Variants in PCDHB1 observed in about 807,000 individuals in gnomAD.
PCDHB1 encodes the protein protocadherin beta-1.
A neutral mutation model predicts 43.5 loss-of-function variants in PCDHB1; 44 were observed. That is an observed-to-expected ratio of 1.01 (90% CI 0.79 to 1.30). The LOEUF is 1.30. PCDHB1 is among the 50% of genes most tolerant of loss of function. PCDHB1 has a pLI of 0.00. For synonymous variants in PCDHB1, 392 were observed against 400.8 expected (o/e 0.98, Z 0.26); for missense variants, 919 against 1,008.9 (o/e 0.91, Z 1.21).
rs782613909 is a variant in PCDHB1 at position 141,051,745 on chromosome 5, G to C, written c.275G>C (p.Arg92Pro). The C allele has an allele frequency of 8.1e-6, 13 of 1,614,094 alleles. No homozygotes were observed. In the Admixed American group the frequency reaches 1.2e-4, roughly 14 times the overall value. The change falls in exon 1 of 1, where the codon CGG (arginine) becomes CCG (proline). Residue 92 changes from arginine (R) to proline (P), a missense_variant. Arg to Pro is a moderately radical substitution (Grantham distance 103, BLOSUM62 -2). Transcript: ENST00000306549. ...TTGTTTGTGAAGGAGAAACTGGATCGGGAGTCACTTTGTGGCAAAGCCGAC... is the reference window on the plus strand; with the variant it reads ...TTGTTTGTGAAGGAGAAACTGGATCCGGAGTCACTTTGTGGCAAAGCCGAC... ...GDLFVKEKLD[R>P]ESLCGKADPC...
Position 141,052,467 on chromosome 5 carries a change from G to A in PCDHB1, c.997G>A (p.Val333Ile), listed in dbSNP as rs1554267255. The A allele has an allele frequency of 1.2e-6, 2 of 1,614,084 alleles. No homozygotes were observed. The highest frequency in any genetic ancestry group is 2.2e-5 in the South Asian group (2 of 91,090). ...TGGAGGCCTCTCTGCCCACAGCAAA[G>A]TCCTGGTAGAAGTGGTGGATGTGAA... The part of the protein sequence containing the change: ...DGGGLSAHSK[V>I]LVEVVDVNDN... Residue 333 changes from valine (V) to isoleucine (I), a missense_variant, in exon 1 of 1, where the codon GTC becomes ATC. By Grantham distance (29) the Val-to-Ile change is conservative. Coordinates refer to ENST00000306549, the MANE Select transcript of PCDHB1 (RefSeq NM_013340.4).
rs782263657 is a variant in PCDHB1, at chr5:141,056,164, T to C, written c.*2237T>C. On this transcript the variant is annotated 3_prime_UTR_variant, in exon 1 of 1. Coordinates refer to ENST00000306549, the MANE Select transcript of PCDHB1 (RefSeq NM_013340.4). ...CTCACTAGAATACATCCTCTTGGTATTTTAAGGGTAGAGCATTATCTTTTA... is the reference window on the plus strand; with the variant it reads ...CTCACTAGAATACATCCTCTTGGTACTTTAAGGGTAGAGCATTATCTTTTA... The C allele has an allele frequency of 6.6e-6, 1 of 152,226 alleles. No individual in the cohort carries two copies. The highest frequency in any genetic ancestry group is 1.5e-5 in the Non-Finnish European group (1 of 68,040). The allele number at this position is 152,226 out of a possible 1,614,324, so 9.4% of individuals were successfully genotyped here.
At position 141,052,524 on chromosome 5, in the gene PCDHB1, G is replaced by A. The variant is rs1554267264; in HGVS notation, c.1054G>A (p.Val352Met). 1 of 1,614,028 alleles carries A rather than the reference G, an allele frequency of 6.2e-7. No homozygotes were observed. Among genetic ancestry groups the A allele is most frequent in the Non-Finnish European group, 8.5e-7 (1 of 1,180,004 alleles). The change falls in exon 1 of 1, where the codon GTG becomes ATG. Residue 352 changes from valine (V) to methionine (M), a missense_variant. Coordinates refer to ENST00000306549, the MANE Select transcript of PCDHB1 (RefSeq NM_013340.4). ...DNPPEVMVSS[V>M]SSPLPEDSPP... is the part of the protein sequence containing the mutation. ...TCCTCCCGAAGTGATGGTCTCCTCT[G>A]TGTCCAGCCCACTCCCTGAAGACTC...
In PCDHB1 at chr5:141,051,677, G is replaced by A. The variant is rs1554267055; in HGVS notation, c.207G>A (p.Glu69=). ...CGCGCGGGGCGCGGCTGGTTTCCGA[G>A]GGCAACAAAATGCATTTCCGGCTCC... ...LAARGARLVS[E]GNKMHFRLHR... Residue 69 remains glutamate (E), a synonymous_variant, in exon 1 of 1, where the codon GAG becomes GAA. Transcript: ENST00000306549. The A allele has an allele frequency of 7.4e-6, 12 of 1,614,248 alleles. No homozygotes were observed. The highest frequency in any genetic ancestry group is 1.0e-5 in the Non-Finnish European group (12 of 1,180,048).
At position 141,055,221 on chromosome 5, in the gene PCDHB1, C is replaced by T. The variant is rs979036063; in HGVS notation, c.*1294C>T. 3.3e-5 allele frequency: 5 copies of T among 152,120 alleles called. No homozygotes were observed. The highest frequency in any genetic ancestry group is 1.2e-4 in the African/African-American group (5 of 41,376). The allele number at this position is 152,120 out of a possible 1,614,324, so 9.4% of individuals were successfully genotyped here. ...GGCAGATCACCTGAGGTCAGGAGTT[C>T]GAGATCACCCTGGCTAACATGGCAA... On this transcript the variant is annotated 3_prime_UTR_variant, in exon 1 of 1. Transcript: ENST00000306549.
rs1384991216 is a variant in PCDHB1 at position 141,053,243 on chromosome 5, G to A, written c.1773G>A (p.Val591=). The change falls in exon 1 of 1, where the codon GTG becomes GTA. Residue 591 remains valine, a synonymous_variant. Coordinates refer to ENST00000306549, the MANE Select transcript of PCDHB1 (RefSeq NM_013340.4). ...CAGGCTACCTAGTGACCAAAGTGGT[G>A]GCTGTGGATGGTGACTCAGGTCAGA... ...AEAGYLVTKV[V]AVDGDSGQNS... 6.8e-6 allele frequency: 11 copies of A among 1,614,100 alleles called. No homozygotes were observed. In the East Asian group the frequency reaches 2.0e-4, roughly 29 times the overall value.
chr5:141,051,760 GC>G lies in PCDHB1; in HGVS notation c.291del (p.Ala99ProfsTer10). 1 of 1,614,250 alleles carries G rather than the reference GC, an allele frequency of 6.2e-7. No individual in the cohort carries two copies. The highest frequency in any genetic ancestry group is 8.5e-7 in the Non-Finnish European group (1 of 1,180,052). The part of the protein sequence containing the change: ...KEKLDRESLC[G>X]KADPCVLHFE... Reference sequence around the variant, plus strand: ...AAACTGGATCGGGAGTCACTTTGTGGCAAAGCCGACCCTTGTGTTCTGCACT... The same window carrying G: ...AAACTGGATCGGGAGTCACTTTGTGGAAAGCCGACCCTTGTGTTCTGCACT... On this transcript the variant is annotated frameshift_variant, in exon 1 of 1. Coordinates refer to ENST00000306549, the MANE Select transcript of PCDHB1 (RefSeq NM_013340.4). LOFTEE classifies it high-confidence loss of function.
In PCDHB1 at chr5:141,052,271, G is replaced by A; in HGVS notation, c.801G>A (p.Val267=). The change falls in exon 1 of 1, where the codon GTG becomes GTA. Residue 267 remains valine (V), a synonymous_variant. Coordinates refer to ENST00000306549, the MANE Select transcript of PCDHB1 (RefSeq NM_013340.4). ...CTTTGGTGGCCACGGTGACTGCCGT[G>A]GACCTAGACGAGGGCACCAACAAAG... is the stretch of plus-strand genomic sequence containing the variant. The part of the protein sequence containing the change: ...NGSLVATVTA[V]DLDEGTNKAI... 1.2e-6 allele frequency: 2 copies of A among 1,614,144 alleles called. No individual in the cohort carries two copies. Among genetic ancestry groups the A allele is most frequent in the African/African-American group, 2.7e-5 (2 of 75,016 alleles).
At position 141,054,024 on chromosome 5, in the gene PCDHB1, T is replaced by C; in HGVS notation, c.*97T>C. 3 of 1,006,338 alleles carry C rather than the reference T, an allele frequency of 3.0e-6. No individual in the cohort carries two copies. Among genetic ancestry groups the C allele is most frequent in the Non-Finnish European group, 4.4e-6 (3 of 684,864 alleles). 62.3% of individuals were successfully genotyped at this position (1,006,338 alleles called of 1,614,324 possible). On this transcript the variant is annotated 3_prime_UTR_variant, in exon 1 of 1. Coordinates refer to ENST00000306549, the MANE Select transcript of PCDHB1 (RefSeq NM_013340.4). The stretch of plus-strand genomic sequence containing the variant: ...CATTAAAACAAAAACTGGTAGTAGA[T>C]TGCAGCTTTAGTAAAGATAAGAGTA...
rs1554267223 is a variant in PCDHB1 at position 141,052,370 on chromosome 5, A to G, written c.900A>G (p.Glu300=). The change falls in exon 1 of 1, where the codon GAA becomes GAG. Residue 300 remains glutamate (E), a synonymous_variant. Transcript: ENST00000306549. ...TTCAGATTGACCCTCAAAATGGAGAAGTTCGACTAAGAGGACCCCTCGATT... is the reference window on the plus strand; with the variant it reads ...TTCAGATTGACCCTCAAAATGGAGAGGTTCGACTAAGAGGACCCCTCGATT... ...KTFQIDPQNG[E]VRLRGPLDFE... is the part of the protein sequence containing the mutation. 6.2e-7 allele frequency: 1 copy of G among 1,614,248 alleles called. No individual in the cohort carries two copies. The highest frequency in any genetic ancestry group is 8.5e-7 in the Non-Finnish European group (1 of 1,180,040).
At position 141,052,951 on chromosome 5, in the gene PCDHB1, C is replaced by CA. The variant is rs782781242; in HGVS notation, c.1487dup (p.Asn496LysfsTer28). 1 of 1,614,016 alleles carries CA rather than the reference C, an allele frequency of 6.2e-7. No individual in the cohort carries two copies. Among genetic ancestry groups the CA allele is most frequent in the South Asian group, 1.1e-5 (1 of 91,078 alleles). ...CAAATAACATATTCTCTGTTGCCTC[C>CA]AAAAAACGGAGATCTTTCAGTCTTT... On this transcript the variant is annotated frameshift_variant, in exon 1 of 1. Coordinates refer to ENST00000306549, the MANE Select transcript of PCDHB1 (RefSeq NM_013340.4). LOFTEE classifies it high-confidence loss of function.
In PCDHB1 at chr5:141,056,134, T is replaced by A. The variant is rs1228401323; in HGVS notation, c.*2207T>A. The A allele has an allele frequency of 1.3e-5, 2 of 152,232 alleles. No homozygotes were observed. Among genetic ancestry groups the A allele is most frequent in the Non-Finnish European group, 2.9e-5 (2 of 68,036 alleles). 9.4% of individuals were successfully genotyped at this position (152,232 alleles called of 1,614,324 possible). On this transcript the variant is annotated 3_prime_UTR_variant, in exon 1 of 1. Transcript: ENST00000306549. ...TTATTTTATAAAAATGTGTGTAAAT[T>A]CAGACTCACTAGAATACATCCTCTT...
chr5:141,053,375 C>T lies in PCDHB1; in HGVS notation c.1905C>T (p.Asp635=), dbSNP rs201674417. The T allele has an allele frequency of 9.9e-6, 16 of 1,614,132 alleles. No homozygotes were observed. Among genetic ancestry groups the T allele is most frequent in the Admixed American group, 3.3e-5 (2 of 60,022 alleles). The change falls in exon 1 of 1, where the codon GAC becomes GAT. Residue 635 remains aspartate, a synonymous_variant. Transcript: ENST00000306549. ...IHTLRQISER[D]PMMQKLIILV... is the part of the protein sequence containing the mutation. ...CATTAAGGCAGATATCTGAGAGAGA[C>T]CCCATGATGCAGAAATTGATCATTC...
Position 141,051,844 on chromosome 5 carries a change from A to T in PCDHB1, c.374A>T (p.Asp125Val), listed in dbSNP as rs1039961746. The T allele has an allele frequency of 3.1e-6, 5 of 1,614,004 alleles. No individual in the cohort carries two copies. Among genetic ancestry groups the T allele is most frequent in the Non-Finnish European group, 4.2e-6 (5 of 1,180,034 alleles). The change falls in exon 1 of 1, where the codon GAT (aspartate) becomes GTT (valine). Residue 125 changes from aspartate to valine, a missense_variant. Asp to Val is a radical substitution (Grantham distance 152). Transcript: ENST00000306549. ...TTCCGGGCCGAGGTCAGGGTATTTG[A>T]TATCAATGACAATGCCCCAGTTTTC... ...QSFRAEVRVF[D>V]INDNAPVFLN...
In PCDHB1 at chr5:141,053,837, G is replaced by A. The variant is rs868922090; in HGVS notation, c.2367G>A (p.Met789Ile). 6.2e-7 allele frequency: 1 copy of A among 1,614,120 alleles called. No individual in the cohort carries two copies. The highest frequency in any genetic ancestry group is 8.5e-7 in the Non-Finnish European group (1 of 1,179,996). The change falls in exon 1 of 1, where the codon ATG (methionine) becomes ATA (isoleucine). Residue 789 changes from methionine to isoleucine, a missense_variant. Transcript: ENST00000306549. ...CTCATGCCACTGGGGAGATAAAAAT[G>A]GAGGCTGGCTCCAGTTTGCCCCCAA... ...PFPHATGEIK[M>I]EAGSSLPPNS...
In PCDHB1 at chr5:141,052,937, T is replaced by C; in HGVS notation, c.1467T>C (p.Tyr489=). 6.2e-7 allele frequency: 1 copy of C among 1,614,220 alleles called. No homozygotes were observed. Residue 489 remains tyrosine, a synonymous_variant, in exon 1 of 1, where the codon TAT becomes TAC. Transcript: ENST00000306549. ...TGGGTGAGAATGCCCAAATAACATA[T>C]TCTCTGTTGCCTCCAAAAAACGGAG... The part of the protein sequence containing the change: ...LDLGENAQIT[Y]SLLPPKNGDL...
chr5:141,055,308 C>A lies in PCDHB1; in HGVS notation c.*1381C>A. ...TCGTGGTGGCACGCACCTGTAATCC[C>A]AGGTACTCAAGAGGCTGAGGCTGGA... On this transcript the variant is annotated 3_prime_UTR_variant, in exon 1 of 1. Transcript: ENST00000306549. The A allele has an allele frequency of 6.6e-6, 1 of 152,592 alleles. No homozygotes were observed. Among genetic ancestry groups the A allele is most frequent in the Non-Finnish European group, 1.5e-5 (1 of 68,310 alleles). The allele number at this position is 152,592 out of a possible 1,614,324, so 9.5% of individuals were successfully genotyped here.
rs782121736 is a variant in PCDHB1, at chr5:141,051,850, A to G, written c.380A>G (p.Asn127Ser). 5 of 1,614,058 alleles carry G rather than the reference A, an allele frequency of 3.1e-6. No homozygotes were observed. Among genetic ancestry groups the G allele is most frequent in the Admixed American group, 3.3e-5 (2 of 59,998 alleles). Residue 127 changes from asparagine (N) to serine (S), a missense_variant, in exon 1 of 1, where the codon AAT becomes AGT. Coordinates refer to ENST00000306549, the MANE Select transcript of PCDHB1 (RefSeq NM_013340.4). ...GCCGAGGTCAGGGTATTTGATATCAATGACAATGCCCCAGTTTTCCTAAAC... is the reference window on the plus strand; with the variant it reads ...GCCGAGGTCAGGGTATTTGATATCAGTGACAATGCCCCAGTTTTCCTAAAC... ...FRAEVRVFDI[N>S]DNAPVFLNKE... is the part of the protein sequence containing the mutation.
In PCDHB1 at chr5:141,058,854, T is replaced by G. The variant is rs1482585894; in HGVS notation, c.*4927T>G. The G allele has an allele frequency of 6.6e-6, 1 of 152,152 alleles. No homozygotes were observed. The highest frequency in any genetic ancestry group is 1.5e-5 in the Non-Finnish European group (1 of 67,992). The allele number at this position is 152,152 out of a possible 1,614,324, so 9.4% of individuals were successfully genotyped here. On this transcript the variant is annotated 3_prime_UTR_variant, in exon 1 of 1. Coordinates refer to ENST00000306549, the MANE Select transcript of PCDHB1 (RefSeq NM_013340.4). The stretch of plus-strand genomic sequence containing the variant: ...AACTTGTTACTTTCCCCCCCACTTA[T>G]TTAGTTAGTTATTTCTTTACATAAG...
Sources: gnomAD v4.1 joint callset for allele counts on GRCh38, gnomAD v4.1.1 for gene constraint, MANE v1.5 for transcripts, NCBI Gene and HGNC (gene_info 2026-07-23, HGNC 2026-07-21) for gene names.